DHX32: variants seen among roughly 807,000 people sequenced by gnomAD.
DHX32 encodes putative pre-mRNA-splicing factor ATP-dependent RNA helicase DHX32.
Under a neutral mutation model 70.0 loss-of-function variants are expected in DHX32, and 51 were observed. The ratio of observed to expected loss-of-function variants is 0.73; its 90% CI spans 0.58 to 0.92. The LOEUF (loss-of-function observed/expected upper bound fraction) is 0.92. Among genes scored for constraint, DHX32 ranks in the 40% least tolerant of loss-of-function variants. The pLI is 0.00. For synonymous variants in DHX32, 310 were observed against 315.3 expected (o/e 0.98, Z 0.18); for missense variants, 762 against 891.8 (o/e 0.85, Z 1.85).
At chr10:125,867,222 GAAAAC>G in intron 1 of DHX32, 39 bp from the exon 2 acceptor site, 1 of 1,518,128 alleles carries the variant, frequency 6.6e-7, no homozygotes, top group African/African-American at 1.4e-5. Flanking sequence ...AGCTTCTGCT[GAAAAC>G]AAAACAAGAG....
At chr10:125,838,137 AT>A (rs1854755715) in intron 10 of DHX32, 68 bp downstream of exon 10, 6 of 1,444,592 alleles carry the variant, frequency 4.2e-6, no homozygotes, top group Non-Finnish European at 5.5e-6. Flanking sequence ...TAAAAGCCAA[AT>A]TTGTCATTTA....
intron 1 of DHX32, among the ~76,000 whole-genome samples, chr10:125,891,762 G>A (rs76273763): frequency 4.6e-5 from 7 of 150,996 alleles, no homozygotes; most frequent in African/African-American, 1.7e-4. Flanking sequence ...AACTCCTCAG[G>A]AGTAGGTACT....
intron 1 of DHX32, among the ~76,000 whole-genome samples, chr10:125,868,558 T>G (rs1009163089): frequency 2.6e-5 from 4 of 152,212 alleles, no homozygotes; most frequent in African/African-American, 9.6e-5. Flanking sequence ...CACTTTCAGA[T>G]AGGTGTCAGC....
chr10:125,868,097 T>C (rs1021133809), intron 1 of DHX32, among the ~76,000 whole-genome samples: 18 of 152,340 alleles, frequency 1.2e-4, no homozygotes, highest in African/African-American at 4.1e-4. Flanking sequence ...AGTGAGATAA[T>C]CAACCAACCC....
In DHX32 at chr10:125,868,984, C is replaced by T. The variant is rs568003168; in HGVS notation, c.283-1801G>A. ...TGAGCTCTAAAAGCAGAGACCTATC[C>T]GTGTTGGTCACCAAATTATCCTAGT... On this transcript the variant is annotated intron_variant, in intron 1 of 10. Transcript: ENST00000284690. Among the ~76,000 whole-genome samples the T allele has an allele frequency of 5.3e-5, 8 of 152,142 alleles. No individual in the cohort carries two copies. The East Asian group carries it at 1.2e-3, about 22-fold the overall frequency.
At chr10:125,881,726 C>T (rs548505132), upstream of DHX32, among the ~76,000 whole-genome samples, 1 of 152,252 alleles carries the variant, frequency 6.6e-6, no homozygotes, top group African/African-American at 2.4e-5. Flanking sequence ...CTCACTGCAG[C>T]CTCAACCTCC....
chr10:125,890,083 AG>A lies in DHX32; in HGVS notation c.-248+6134del, dbSNP rs1944360981. 4.6e-5 allele frequency among the ~76,000 whole-genome samples: 7 copies of A among 152,424 alleles called. No homozygotes were observed. The South Asian group carries it at 1.4e-3, about 32-fold the overall frequency. On this transcript the variant is annotated intron_variant, in intron 1 of 2. Transcript: ENST00000415732. ...GCTTCCAGACTACATTTTTAAAAAT[AG>A]GCTCACGTTGCATCACTGGGGGTTG... is the stretch of plus-strand genomic sequence containing the variant.
chr10:125,841,020 G>A (rs763964255), intron 7 of DHX32, 24 bp from the exon 8 acceptor site: 4 of 1,585,868 alleles, frequency 2.5e-6, no homozygotes, highest in African/African-American at 2.7e-5. Flanking sequence ...AAGGTCACAT[G>A]GTTAGCAATA....
chr10:125,882,129 A>C (rs1260956135), upstream of DHX32, among the ~76,000 whole-genome samples: 1 of 152,226 alleles, frequency 6.6e-6, no homozygotes, highest in Admixed American at 6.5e-5. Flanking sequence ...CTCAGTCCCC[A>C]CATGTCAGGT....
intron 1 of DHX32, among the ~76,000 whole-genome samples, chr10:125,893,220 CATTT>C (rs33943332): frequency 2.3e-4 from 34 of 149,164 alleles, no homozygotes; most frequent in Non-Finnish European, 2.9e-4. Context: ...CCTGCAGTCC[CATTT>C]ATTTATTTAT....
intron 2 of DHX32, among the ~76,000 whole-genome samples, chr10:125,864,638 A>G (rs1944207924): frequency 6.6e-6 from 1 of 152,090 alleles, no homozygotes; most frequent in Admixed American, 6.5e-5. Flanking sequence ...CATATTAAGA[A>G]GTATCTTAGG....
At chr10:125,857,879 GT>G (rs72152222) in intron 3 of DHX32, among the ~76,000 whole-genome samples, 53 of 140,812 alleles carry the variant, frequency 3.8e-4, no homozygotes, top group Middle Eastern at 3.7e-3. Flanking sequence ...GTATATCCTG[GT>G]TTTTTTTTTT....
chr10:125,882,146 T>A, upstream of DHX32, among the ~76,000 whole-genome samples: 1 of 152,050 alleles, frequency 6.6e-6, no homozygotes, highest in African/African-American at 2.4e-5. Flanking sequence ...AGGTGAAGGG[T>A]CTTTCCCCTT....
At chr10:125,884,071 A>G (rs1469152791), upstream of DHX32, among the ~76,000 whole-genome samples, 1 of 152,172 alleles carries the variant, frequency 6.6e-6, no homozygotes, top group Non-Finnish European at 1.5e-5. Flanking sequence ...GCGCAAAACT[A>G]TGACATTTAT....
chr10:125,838,442 T>A, intron 9 of DHX32, 55 bp from the exon 10 acceptor site: 1 of 1,435,114 alleles, frequency 7.0e-7, no homozygotes, highest in Non-Finnish European at 9.3e-7. Flanking sequence ...GAGATCATTA[T>A]ACAAAGATGT....
chr10:125,868,814 T>C (rs974353218), intron 1 of DHX32, among the ~76,000 whole-genome samples: 4 of 152,146 alleles, frequency 2.6e-5, no homozygotes, highest in African/African-American at 7.2e-5. Context: ...TCCTTCAAGT[T>C]TGAACTCTGG....
chr10:125,841,868 T>C lies in DHX32; in HGVS notation c.1418A>G (p.Asn473Ser). The change falls in exon 7 of 11, where the codon AAT becomes AGT. Residue 473 changes from asparagine (N) to serine (S), a missense_variant. Asn to Ser is a conservative substitution (Grantham distance 46, BLOSUM62 1). Transcript: ENST00000284690. Reference protein sequence around the residue: ...DYLAALDNDGNLSEFGIIMSE... With the variant: ...DYLAALDNDGSLSEFGIIMSE... ...CATGATGATTCCAAATTCAGAAAGA[T>C]TTCCATCATTATCCAGTGCTGCCAG... 1 of 1,613,756 alleles carries C rather than the reference T, an allele frequency of 6.2e-7. No homozygotes were observed. Among genetic ancestry groups the C allele is most frequent in the Non-Finnish European group, 8.5e-7 (1 of 1,179,948 alleles).
At chr10:125,841,435 A>G (rs1275917466) in intron 7 of DHX32, 1 of 1,567,626 alleles carries the variant, frequency 6.4e-7, no homozygotes, top group African/African-American at 1.4e-5. Context: ...TTGGGGAAAA[A>G]CACCTCTAGT....
At chr10:125,862,124 G>A (rs543479438) in intron 2 of DHX32, among the ~76,000 whole-genome samples, 2 of 152,294 alleles carry the variant, frequency 1.3e-5, no homozygotes, top group Non-Finnish European at 2.9e-5. Context: ...AGGTCACAAA[G>A]CCAGGTAGAG....
Sources: gnomAD v4.1 joint callset for allele counts (sites outside exome capture counted in the v4.1 genomes callset) on GRCh38, gnomAD v4.1.1 for gene constraint, MANE v1.5 for transcripts, NCBI Gene and HGNC (gene_info 2026-07-23, HGNC 2026-07-21) for gene names.